The following CDK19 variants were observed in gnomAD, a reference collection of about 807,000 sequenced individuals.
CDK19 encodes the protein cyclin-dependent kinase 19.
A neutral mutation model predicts 68.3 loss-of-function variants in CDK19; 20 were observed. The ratio of observed to expected loss-of-function variants is 0.29; its 90% confidence interval spans 0.21 to 0.43. CDK19 has a LOEUF of 0.43. CDK19 is among the 20% of genes least tolerant of loss of function. CDK19 has a pLI of 1.00. For synonymous variants in CDK19, 221 were observed against 222.8 expected (o/e 0.99, Z 0.07); for missense variants, 339 against 623.5 (o/e 0.54, Z 4.86).
At chr6:110,775,099 G>C (rs1005785260) in intron 1 of CDK19, among the ~76,000 whole-genome samples, 1 of 152,020 alleles carries the variant, frequency 6.6e-6, no homozygotes, top group Admixed American at 6.6e-5. Flanking sequence ...ACAAAAATTA[G>C]CTGGGTGTGG....
At position 110,645,739 on chromosome 6, in the gene CDK19, G is replaced by A. The variant is rs1294374300; in HGVS notation, c.457-7033C>T. The A allele has an allele frequency of 6.1e-6, 3 of 495,462 alleles. No homozygotes were observed. The Admixed American group carries it at 8.8e-5, about 15-fold the overall frequency. The allele number at this position is 495,462 out of a possible 1,614,324, so 30.7% of individuals were successfully genotyped here. ...GAGGCCAACAGAGTCCCTACAGGTGGTGTCCACGGTAATGCATGGACAATG... is the reference window on the plus strand; with the variant it reads ...GAGGCCAACAGAGTCCCTACAGGTGATGTCCACGGTAATGCATGGACAATG... On this transcript the variant is annotated intron_variant, in intron 4 of 12. Transcript: ENST00000368911.
At chr6:110,768,849 G>A (rs1462016073) in intron 1 of CDK19, among the ~76,000 whole-genome samples, 1 of 152,082 alleles carries the variant, frequency 6.6e-6, no homozygotes, top group African/African-American at 2.4e-5. Flanking sequence ...TACCTAATGT[G>A]TAGAGAGCAA....
At chr6:110,687,340 A>G (rs942041751) in intron 2 of CDK19, among the ~76,000 whole-genome samples, 10 of 152,236 alleles carry the variant, frequency 6.6e-5, no homozygotes, top group Admixed American at 3.3e-4. Context: ...TGGCTAAATT[A>G]CCAGTACCAA....
At chr6:110,693,734 GCCACAGCAAGTCCTGCC>G (rs1773235858) in intron 2 of CDK19, among the ~76,000 whole-genome samples, 1 of 152,018 alleles carries the variant, frequency 6.6e-6, no homozygotes, top group African/African-American at 2.4e-5. Flanking sequence ...CCCCATACTG[GCCACAGCAAGTCCTGCC>G]CTGAGCTCAG....
intron 2 of CDK19, among the ~76,000 whole-genome samples, chr6:110,709,440 G>A (rs182004333): frequency 2.8e-4 from 43 of 151,680 alleles, no homozygotes; most frequent in African/African-American, 1.0e-3. Flanking sequence ...AATCACCATG[G>A]CACATGTATA....
At chr6:110,682,799 T>C (rs141666976) in intron 2 of CDK19, among the ~76,000 whole-genome samples, 40 of 152,268 alleles carry the variant, frequency 2.6e-4, no homozygotes, top group African/African-American at 9.6e-4. Flanking sequence ...TTAACTCTTC[T>C]GAATCTCATA....
chr6:110,629,709 T>A (rs1304374909), intron 6 of CDK19, among the ~76,000 whole-genome samples: 1 of 152,158 alleles, frequency 6.6e-6, no homozygotes, highest in Non-Finnish European at 1.5e-5. Context: ...AAAAAGTGAA[T>A]AAGTATGTAC....
rs542702231 is a variant in CDK19, at chr6:110,655,460, G to T, written c.456+11974C>A. ...TCTCTAACTTTCCATATATCTCAGAGATATGTTGACAGTAGCCATTACCAC... is the reference window on the plus strand; with the variant it reads ...TCTCTAACTTTCCATATATCTCAGATATATGTTGACAGTAGCCATTACCAC... On this transcript the variant is annotated intron_variant, in intron 4 of 12. Coordinates refer to ENST00000368911, the MANE Select transcript of CDK19 (RefSeq NM_015076.5). Among the ~76,000 whole-genome samples the T allele has an allele frequency of 2.6e-5, 4 of 152,086 alleles. No homozygotes were observed. The East Asian group carries it at 5.8e-4, about 22-fold the overall frequency.
intron 2 of CDK19, among the ~76,000 whole-genome samples, chr6:110,715,859 C>CA (rs1775346527): frequency 6.6e-6 from 1 of 152,164 alleles, no homozygotes; most frequent in South Asian, 2.1e-4. Context: ...GTTTGCATTT[C>CA]AAAACATTTT....
chr6:110,610,026 T>C lies in CDK19; in HGVS notation c.*4509A>G, dbSNP rs1212820291. On this transcript the variant is annotated 3_prime_UTR_variant, in exon 13 of 13. Coordinates refer to ENST00000368911, the MANE Select transcript of CDK19 (RefSeq NM_015076.5). The stretch of plus-strand genomic sequence containing the variant: ...AACCAAGAATATAAAATAAATGCAA[T>C]GTAATTTATTTTAGTTTTAACAGTC... 6.6e-6 allele frequency: 1 copy of C among 152,170 alleles called. No individual in the cohort carries two copies. Among genetic ancestry groups the C allele is most frequent in the Non-Finnish European group, 1.5e-5 (1 of 68,034 alleles). 9.4% of individuals were successfully genotyped at this position (152,170 alleles called of 1,614,324 possible). A position where few individuals can be genotyped will look rare whatever the true frequency, so the allele number is the denominator to read the frequency against.
At chr6:110,656,701 CTTT>C (rs1781326825) in intron 4 of CDK19, among the ~76,000 whole-genome samples, 4 of 152,196 alleles carry the variant, frequency 2.6e-5, no homozygotes, top group African/African-American at 9.6e-5. Flanking sequence ...CAATGTGTTT[CTTT>C]GTCTTTCAGG....
Position 110,613,045 on chromosome 6 carries a change from A to G in CDK19, c.*1490T>C, listed in dbSNP as rs937234249. 1 of 152,666 alleles carries G rather than the reference A, an allele frequency of 6.6e-6. No homozygotes were observed. Among genetic ancestry groups the G allele is most frequent in the Non-Finnish European group, 1.5e-5 (1 of 68,044 alleles). 9.5% of individuals were successfully genotyped at this position (152,666 alleles called of 1,614,324 possible). A position where few individuals can be genotyped will look rare whatever the true frequency, so the allele number is the denominator to read the frequency against. On this transcript the variant is annotated 3_prime_UTR_variant, in exon 13 of 13. Coordinates refer to ENST00000368911, the MANE Select transcript of CDK19 (RefSeq NM_015076.5). The stretch of plus-strand genomic sequence containing the variant: ...TTTCTTCTAGCTCAAGAAAACATTT[A>G]AAACAAGGCTGGTGCTGCTAGTAGC...
chr6:110,793,754 C>T (rs1781750426), intron 1 of CDK19, among the ~76,000 whole-genome samples: 1 of 152,120 alleles, frequency 6.6e-6, no homozygotes, highest in African/African-American at 2.4e-5. Context: ...TGCCTTTCAG[C>T]CTTTGCCTCT....
intron 1 of CDK19, among the ~76,000 whole-genome samples, chr6:110,799,784 G>A (rs189304566): frequency 2.8e-4 from 43 of 152,098 alleles, no homozygotes; most frequent in African/African-American, 1.0e-3. Context: ...TTACTTTTTT[G>A]TAGAGACGAA....
chr6:110,732,665 T>G (rs55770992), intron 2 of CDK19, among the ~76,000 whole-genome samples: 2,252 of 152,314 alleles, frequency 0.015, 39 homozygotes, highest in Middle Eastern at 0.044. Context: ...TTTATATTAC[T>G]AGTATTTTAT....
intron 4 of CDK19, among the ~76,000 whole-genome samples, chr6:110,662,022 T>G (rs1433806080): frequency 6.6e-6 from 1 of 152,152 alleles, no homozygotes; most frequent in African/African-American, 2.4e-5. Flanking sequence ...TAGGCTGGAG[T>G]GCAGTGGCAC....
rs191468687 is a variant in CDK19, at chr6:110,721,928, C to T, written c.204+24198G>A. On this transcript the variant is annotated intron_variant, in intron 2 of 12. Coordinates refer to ENST00000368911, the MANE Select transcript of CDK19 (RefSeq NM_015076.5). ...GCAGTGAGCCGAGATCACGCCATTG[C>T]GCTCCAGCCTGGGCAACAGAGTGAG... Among the ~76,000 whole-genome samples the T allele has an allele frequency of 2.5e-3, 381 of 152,190 alleles. 3 individuals are homozygous for T. Among genetic ancestry groups the T allele is most frequent in the African/African-American group, 8.8e-3 (364 of 41,534 alleles).
At chr6:110,644,677 C>T (rs1050117987) in intron 4 of CDK19, among the ~76,000 whole-genome samples, 1 of 152,088 alleles carries the variant, frequency 6.6e-6, no homozygotes, top group African/African-American at 2.4e-5. Context: ...GCTGGAACCT[C>T]GGCACACTTC....
chr6:110,653,446 T>C (rs1378660344), intron 4 of CDK19, among the ~76,000 whole-genome samples: 1 of 152,186 alleles, frequency 6.6e-6, no homozygotes, highest in Non-Finnish European at 1.5e-5. Context: ...ATACCAAAAT[T>C]GTTCTGACCT....
Sources: gnomAD v4.1 joint callset for allele counts (sites outside exome capture counted in the v4.1 genomes callset) on GRCh38, gnomAD v4.1.1 for gene constraint, MANE v1.5 for transcripts, NCBI Gene and HGNC (gene_info 2026-07-23, HGNC 2026-07-21) for gene names.